Variants in MYO1B observed in about 807,000 individuals in gnomAD.
The protein encoded by MYO1B is myosin IB, also known as unconventional myosin-Ib.
MYO1B carries 72 observed loss-of-function variants against 159.7 expected under a neutral mutation model. The observed-to-expected ratio is 0.45, with a 90% confidence interval of 0.37 to 0.55. MYO1B has a LOEUF of 0.55. MYO1B is among the 20% of genes least tolerant of loss of function. MYO1B has a pLI of 0.00. For missense variants in MYO1B, 1,062 were observed against 1,364.8 expected (o/e 0.78, Z 3.50); for synonymous variants, 468 against 473.8 (o/e 0.99, Z 0.16).
intron 27 of MYO1B, among the ~76,000 whole-genome samples, chr2:191,413,521 C>T (rs1357427238): frequency 6.6e-6 from 1 of 152,164 alleles, no homozygotes; most frequent in Non-Finnish European, 1.5e-5. Flanking sequence ...CTATAGTTTT[C>T]TTCTAAAGTG....
intron 3 of MYO1B, among the ~76,000 whole-genome samples, chr2:191,303,118 G>A (rs927124357): frequency 2.0e-5 from 3 of 152,176 alleles, no homozygotes; most frequent in Non-Finnish European, 2.9e-5. Flanking sequence ...TGCTGTGGTT[G>A]AGTATACAGA....
chr2:191,253,398 T>C (rs988484791), intron 1 of MYO1B, among the ~76,000 whole-genome samples: 10 of 152,310 alleles, frequency 6.6e-5, no homozygotes, highest in African/African-American at 2.2e-4. Context: ...TGGTTCACTC[T>C]CAACTGTGTC....
At chr2:191,383,888 G>A (rs1340200618) in intron 15 of MYO1B, among the ~76,000 whole-genome samples, 3 of 151,892 alleles carry the variant, frequency 2.0e-5, no homozygotes, top group Admixed American at 2.0e-4. Flanking sequence ...TATTCACCGG[G>A]TATTATATTA....
At chr2:191,321,195 T>C (rs1264654302) in intron 3 of MYO1B, among the ~76,000 whole-genome samples, 1 of 152,190 alleles carries the variant, frequency 6.6e-6, no homozygotes, top group Non-Finnish European at 1.5e-5. Context: ...AGGGAACATC[T>C]GTCTGTAAAA....
intron 2 of MYO1B, among the ~76,000 whole-genome samples, chr2:191,288,927 G>T (rs1212981041): frequency 6.6e-6 from 1 of 152,164 alleles, no homozygotes; most frequent in African/African-American, 2.4e-5. Flanking sequence ...AGATGCAGAC[G>T]ACTCCTATAC....
intron 19 of MYO1B, among the ~76,000 whole-genome samples, chr2:191,392,766 C>T (rs1456821354): frequency 1.3e-5 from 2 of 152,198 alleles, no homozygotes; most frequent in African/African-American, 4.8e-5. Context: ...CCAGCATCTA[C>T]CTTCCATTAG....
chr2:191,387,150 G>A, intron 16 of MYO1B, 74 bp from the exon 17 acceptor site: 1 of 1,423,900 alleles, frequency 7.0e-7, no homozygotes, highest in Non-Finnish European at 9.7e-7. Context: ...AGATAGTCTT[G>A]GAGTATTTTT....
At chr2:191,397,484 C>CAA (rs1467733519) in intron 21 of MYO1B, among the ~76,000 whole-genome samples, 24 of 152,176 alleles carry the variant, frequency 1.6e-4, no homozygotes, top group Admixed American at 2.6e-4. Flanking sequence ...ACACAGCACA[C>CAA]GTTTCAGAGA....
At chr2:191,395,507 G>A (rs919329913) in intron 20 of MYO1B, among the ~76,000 whole-genome samples, 1 of 152,260 alleles carries the variant, frequency 6.6e-6, no homozygotes, top group Admixed American at 6.5e-5. Flanking sequence ...GATTCACAAT[G>A]TGACTTTAGT....
chr2:191,376,973 CT>C, intron 13 of MYO1B, among the ~76,000 whole-genome samples: 1 of 152,214 alleles, frequency 6.6e-6, no homozygotes, highest in South Asian at 2.1e-4. Context: ...ATGATTGATA[CT>C]TGTGAGTATA....
chr2:191,283,466 C>T (rs1263522898), intron 2 of MYO1B, among the ~76,000 whole-genome samples: 1 of 152,156 alleles, frequency 6.6e-6, no homozygotes, highest in Admixed American at 6.5e-5. Flanking sequence ...AGACTGTTTT[C>T]TTATTGGTTG....
chr2:191,354,879 G>A lies in MYO1B; in HGVS notation c.562+4654G>A, dbSNP rs574040948. Among the ~76,000 whole-genome samples the A allele has an allele frequency of 2.6e-5, 4 of 152,160 alleles. No individual in the cohort carries two copies. The East Asian group carries it at 7.7e-4, about 29-fold the overall frequency. On this transcript the variant is annotated intron_variant, in intron 7 of 30. Coordinates refer to ENST00000392318, the MANE Select transcript of MYO1B (RefSeq NM_001130158.3). ...CCTCTCGAAAGAGTGTCAAATAATTGGTAATCATTTTATTTTAGACAGCCA... is the reference window on the plus strand; with the variant it reads ...CCTCTCGAAAGAGTGTCAAATAATTAGTAATCATTTTATTTTAGACAGCCA...
chr2:191,287,317 C>A (rs997730754), intron 2 of MYO1B, among the ~76,000 whole-genome samples: 1 of 152,014 alleles, frequency 6.6e-6, no homozygotes, highest in Non-Finnish European at 1.5e-5. Flanking sequence ...CACCCGAGGT[C>A]AGGAATTCAA....
chr2:191,277,916 C>T (rs1472839740), intron 2 of MYO1B, among the ~76,000 whole-genome samples: 2 of 151,476 alleles, frequency 1.3e-5, no homozygotes, highest in African/African-American at 4.9e-5. Context: ...TAATATTTTT[C>T]TGTTTATCAT....
In MYO1B at chr2:191,245,411, C is replaced by A. The variant is rs946387013; in HGVS notation, c.-225C>A. On this transcript the variant is annotated 5_prime_UTR_variant, in exon 1 of 31. Coordinates refer to ENST00000392318, the MANE Select transcript of MYO1B (RefSeq NM_001130158.3). ...GCTCCTCCCGCCGCCGCTGAGCACT[C>A]CGCAGCTGGGTGCGCACGGGAGCCT... The A allele has an allele frequency of 6.6e-6, 1 of 152,126 alleles. No homozygotes were observed. The highest frequency in any genetic ancestry group is 1.5e-5 in the Non-Finnish European group (1 of 67,990). 9.4% of individuals were successfully genotyped at this position (152,126 alleles called of 1,614,324 possible). A position where few individuals can be genotyped will look rare whatever the true frequency, so the allele number is the denominator to read the frequency against.
chr2:191,414,365 A>G (rs1173966318), intron 28 of MYO1B, 152 bp from the exon 29 acceptor site: 3 of 1,026,844 alleles, frequency 2.9e-6, no homozygotes, highest in Non-Finnish European at 2.7e-6. Flanking sequence ...ATGAAATAAA[A>G]CATATTATTT....
intron 4 of MYO1B, 36 bp downstream of exon 4, chr2:191,330,065 ATGC>A (rs780589046): frequency 6.4e-7 from 1 of 1,568,562 alleles, no homozygotes; most frequent in South Asian, 1.1e-5. Context: ...CAGAAGGTAA[ATGC>A]TGCACAGAAT....
intron 1 of MYO1B, among the ~76,000 whole-genome samples, chr2:191,255,973 A>G (rs544997074): frequency 3.9e-5 from 6 of 152,080 alleles, no homozygotes; most frequent in Admixed American, 6.5e-5. Flanking sequence ...AGGGCCTTCT[A>G]TGTTTTTTCC....
intron 1 of MYO1B, among the ~76,000 whole-genome samples, chr2:191,259,782 A>G (rs1198898682): frequency 6.6e-6 from 1 of 152,126 alleles, no homozygotes; most frequent in Non-Finnish European, 1.5e-5. Flanking sequence ...AGTCTGGGAT[A>G]ACTCCCTAGT....
Sources: allele counts gnomAD v4.1 joint callset (sites outside exome capture counted in the v4.1 genomes callset), GRCh38; gene constraint gnomAD v4.1.1; transcripts MANE v1.5; gene names NCBI Gene and HGNC (gene_info 2026-07-23, HGNC 2026-07-21).